ARMC6: variants seen among roughly 807,000 people sequenced by gnomAD.
ARMC6 encodes armadillo repeat containing 6.
Under a neutral mutation model 49.2 loss-of-function variants are expected in ARMC6, and 43 were observed. The ratio of observed to expected loss-of-function variants is 0.87; its 90% confidence interval spans 0.69 to 1.13. The LOEUF (loss-of-function observed/expected upper bound fraction) is 1.13, where lower values mean the gene tolerates loss of function less well. Among genes scored for constraint, ARMC6 ranks in the 50% most tolerant of loss-of-function variants. The pLI, the probability that ARMC6 is intolerant of heterozygous loss-of-function variation, is 0.00. For missense variants in ARMC6, 627 were observed against 682.0 expected (o/e 0.92, Z 0.90); for synonymous variants, 262 against 289.6 (o/e 0.90, Z 0.97).
chr19:19,045,493 C>CTTTGTTTTTTTTTTTTTT, intron 4 of ARMC6, among the ~76,000 whole-genome samples: 1 of 89,118 alleles, frequency 1.1e-5, no homozygotes, highest in Non-Finnish European at 2.0e-5. Context: ...ATGCTAAATT[C>CTTTGTTTTTTTTTTTTTT]TTTTTTTTTT....
chr19:19,037,645 C>A, intron 2 of ARMC6: 1 of 1,211,172 alleles, frequency 8.3e-7, no homozygotes, highest in Admixed American at 3.1e-5. Flanking sequence ...GCCACCATGC[C>A]TGGCCTGAAG....
intron 1 of ARMC6, 88 bp from the exon 2 acceptor site, chr19:19,034,043 A>G (rs151200102): frequency 2.3e-4 from 137 of 595,034 alleles, no homozygotes; most frequent in Non-Finnish European, 3.8e-4. Context: ...AAAAAAAATG[A>G]AAGAATTTTA....
At chr19:19,049,225 G>C (rs1193274674) in intron 4 of ARMC6, among the ~76,000 whole-genome samples, 2 of 151,940 alleles carry the variant, frequency 1.3e-5, no homozygotes, top group Non-Finnish European at 2.9e-5. Context: ...GCTAATTTTT[G>C]TATTTTTTTT....
intron 8 of ARMC6, 102 bp downstream of exon 8, chr19:19,056,030 G>T (rs2059542006): frequency 1.4e-6 from 2 of 1,381,902 alleles, no homozygotes; most frequent in Non-Finnish European, 9.7e-7. Context: ...GGGTGATGGG[G>T]CAAAGGCTCA....
intron 2 of ARMC6, among the ~76,000 whole-genome samples, chr19:19,041,167 A>G (rs2059408985): frequency 6.6e-6 from 1 of 152,016 alleles, no homozygotes; most frequent in South Asian, 2.1e-4. Flanking sequence ...GGTAGAAACC[A>G]TACATGGTGT....
rs185595097 is a variant in ARMC6 at position 19,053,668 on chromosome 19, G to A, written c.854-484G>A. ...GGTGCAGGATCTTCGCCCTCTTGGC[G>A]TGAGTGCCGGCACCTGCTTCCTGGT... On this transcript the variant is annotated intron_variant, in intron 5 of 8. Transcript: ENST00000535612. Among the ~76,000 whole-genome samples, 14 of 152,182 alleles carry A rather than the reference G, an allele frequency of 9.2e-5. 1 individual carries two copies. Among genetic ancestry groups the A allele is most frequent in the East Asian group, 1.9e-4 (1 of 5,168 alleles).
rs2059288935 is a variant in ARMC6, at chr19:19,033,634, C to T, written c.-376C>T. 1.4e-5 allele frequency: 16 copies of T among 1,127,372 alleles called. No individual in the cohort carries two copies. Among genetic ancestry groups the T allele is most frequent in the Non-Finnish European group, 1.8e-5 (16 of 912,502 alleles). The allele number at this position is 1,127,372 out of a possible 1,614,324, so 69.8% of individuals were successfully genotyped here. A position where few individuals can be genotyped will look rare whatever the true frequency, so the allele number is the denominator to read the frequency against. On this transcript the variant is annotated 5_prime_UTR_variant, in exon 1 of 9. Transcript: ENST00000535612. ...CGGCTCTCTTGCGCAAGCGCGCTGT[C>T]CGCTTCTTCTGGGCGGACGCTCTGG...
chr19:19,055,390 C>T lies in ARMC6; in HGVS notation c.1149C>T (p.Ser383=). ...IVAAMTQHLT[S]PQVCEQSCAA... ...CTGCTATGACCCAGCATCTGACCAGCCCCCAGGTACCCACCTCGGGGGGCA... is the reference window on the plus strand; with the variant it reads ...CTGCTATGACCCAGCATCTGACCAGTCCCCAGGTACCCACCTCGGGGGGCA... The change falls in exon 7 of 9, where the codon AGC becomes AGT. Residue 383 remains serine (S), a synonymous_variant. Coordinates refer to ENST00000535612, the MANE Select transcript of ARMC6 (RefSeq NM_001199196.2). This position sits in a 1 kb window ranked among gnomAD's most constrained non-coding sequence, Gnocchi z 5.7. The T allele has an allele frequency of 6.2e-7, 1 of 1,601,238 alleles. No individual in the cohort carries two copies. Among genetic ancestry groups the T allele is most frequent in the South Asian group, 1.1e-5 (1 of 89,620 alleles).
intron 2 of ARMC6, among the ~76,000 whole-genome samples, chr19:19,038,709 C>G (rs989079020): frequency 1.3e-5 from 2 of 152,130 alleles, no homozygotes; most frequent in African/African-American, 4.8e-5. Context: ...TCCCGAGTAG[C>G]TGGGATTACA....
In ARMC6 at chr19:19,055,907, C is replaced by T. The variant is rs1450252677; in HGVS notation, c.1272C>T (p.His424=). 6.2e-7 allele frequency: 1 copy of T among 1,611,370 alleles called. No individual in the cohort carries two copies. Among genetic ancestry groups the T allele is most frequent in the Non-Finnish European group, 8.5e-7 (1 of 1,179,336 alleles). ...CAGCACTGCAGGCCATGAAGGCACA[C>T]CCGCAGAAGGCCGGCGTGCAGGTGG... ...AVAALQAMKA[H]PQKAGVQKQA... The change falls in exon 8 of 9, where the codon CAC becomes CAT. Residue 424 remains histidine (H), a synonymous_variant. Transcript: ENST00000535612. This position sits in a 1 kb window ranked among gnomAD's most constrained non-coding sequence, Gnocchi z 5.7.
Position 19,052,046 on chromosome 19 carries a change from A to G in ARMC6, c.704A>G (p.His235Arg), listed in dbSNP as rs755509211. The stretch of plus-strand genomic sequence containing the variant: ...GGTGCCATCACCCATCATGGCCACC[A>G]CACTGACGTGGTCAGGGAAGCCTGC... Reference protein sequence around the residue: ...LTGAITHHGHHTDVVREACWA... With the variant: ...LTGAITHHGHRTDVVREACWA... Residue 235 changes from histidine (H) to arginine (R), a missense_variant, in exon 5 of 9, where the codon CAC becomes CGC. Physicochemically the swap from His to Arg is conservative, Grantham distance 29. Coordinates refer to ENST00000535612, the MANE Select transcript of ARMC6 (RefSeq NM_001199196.2). 12 of 1,613,848 alleles carry G rather than the reference A, an allele frequency of 7.4e-6. No individual in the cohort carries two copies. The highest frequency in any genetic ancestry group is 1.6e-4 in the Middle Eastern group (1 of 6,080).
rs777754208 is a variant in ARMC6 at position 19,057,581 on chromosome 19, G to A, written c.1459G>A (p.Glu487Lys). 3.4e-5 allele frequency: 55 copies of A among 1,613,366 alleles called. No individual in the cohort carries two copies. The highest frequency in any genetic ancestry group is 2.9e-4 in the South Asian group (26 of 91,072). The change falls in exon 9 of 9, where the codon GAG (glutamate) becomes AAG (lysine). Residue 487 changes from glutamate to lysine, a missense_variant. By Grantham distance (56) the Glu-to-Lys change is moderately conservative (BLOSUM62 1). Transcript: ENST00000535612. ...CCTGCGGGACCTGGGTTGTCATGTC[G>A]AGCTCCGAGAGCTGTGGACAGGCCA... ...AALRDLGCHV[E>K]LRELWTGQRG... is the part of the protein sequence containing the mutation.
At position 19,054,107 on chromosome 19, in the gene ARMC6, G is replaced by C. The variant is rs2059522496; in HGVS notation, c.854-45G>C. 1.4e-5 allele frequency: 20 copies of C among 1,474,760 alleles called. No individual in the cohort carries two copies. The East Asian group carries it at 5.1e-4, about 38-fold the overall frequency. The allele number at this position is 1,474,760 out of a possible 1,614,324, so 91.4% of individuals were successfully genotyped here. A position where few individuals can be genotyped will look rare whatever the true frequency, so the allele number is the denominator to read the frequency against. On this transcript the variant is annotated intron_variant, in intron 5 of 8. Transcript: ENST00000535612. ...CTCCACCAAAACAGAGGGCCCTGCG[G>C]CTGGTTCTTCCCGCCCCCACCACCG...
chr19:19,057,885 C>A lies in ARMC6; in HGVS notation c.*257C>A. 1.6e-6 allele frequency: 1 copy of A among 626,880 alleles called. No homozygotes were observed. Among genetic ancestry groups the A allele is most frequent in the Non-Finnish European group, 2.9e-6 (1 of 343,710 alleles). 38.8% of individuals were successfully genotyped at this position (626,880 alleles called of 1,614,324 possible). On this transcript the variant is annotated 3_prime_UTR_variant, in exon 9 of 9. Coordinates refer to ENST00000535612, the MANE Select transcript of ARMC6 (RefSeq NM_001199196.2). ...GGATGTTACTGTCCTGCTCCTTCCC[C>A]CAGCCCCACGCCCTACCAGAGGGGG...
In ARMC6 at chr19:19,051,810, C is replaced by T. The variant is rs1440758835; in HGVS notation, c.468C>T (p.Leu156=). The change falls in exon 5 of 9, where the codon CTC becomes CTT. Residue 156 remains leucine (L), a synonymous_variant. Transcript: ENST00000535612. The part of the protein sequence containing the change: ...LATAGDQGLL[L]QSLNALSVLT... ...CTGCAGGTGACCAGGGCCTTCTGCTCCAGTCCCTCAATGCCCTGTCGGTGC... is the reference window on the plus strand; with the variant it reads ...CTGCAGGTGACCAGGGCCTTCTGCTTCAGTCCCTCAATGCCCTGTCGGTGC... 1.9e-6 allele frequency: 3 copies of T among 1,613,952 alleles called. No homozygotes were observed. Among genetic ancestry groups the T allele is most frequent in the African/African-American group, 1.3e-5 (1 of 74,940 alleles).
rs2059558516 is a variant in ARMC6 at position 19,057,898 on chromosome 19, C to G, written c.*270C>G. On this transcript the variant is annotated 3_prime_UTR_variant, in exon 9 of 9. Coordinates refer to ENST00000535612, the MANE Select transcript of ARMC6 (RefSeq NM_001199196.2). ...CTGCTCCTTCCCCCAGCCCCACGCC[C>G]TACCAGAGGGGGCAAAGGGCACGTC... 1 of 587,640 alleles carries G rather than the reference C, an allele frequency of 1.7e-6. No individual in the cohort carries two copies. The highest frequency in any genetic ancestry group is 3.1e-6 in the Non-Finnish European group (1 of 322,642). 36.4% of individuals were successfully genotyped at this position (587,640 alleles called of 1,614,324 possible).
At chr19:19,040,747 A>T (rs753952984) in intron 2 of ARMC6, 3 of 448,254 alleles carry the variant, frequency 6.7e-6, no homozygotes, top group South Asian at 1.6e-5. Context: ...CTCTGTGCTC[A>T]AGTGGTTCTC....
chr19:19,037,787 T>G (rs1301150521), intron 2 of ARMC6: 2 of 754,446 alleles, frequency 2.7e-6, no homozygotes, highest in East Asian at 1.2e-4. Flanking sequence ...TTCCTCCTTT[T>G]GTTCCAAAGG....
In ARMC6 at chr19:19,058,171, A is replaced by G. The variant is rs1015337565; in HGVS notation, c.*543A>G. 1.4e-4 allele frequency: 25 copies of G among 173,066 alleles called. No homozygotes were observed. The highest frequency in any genetic ancestry group is 2.2e-4 in the Non-Finnish European group (18 of 81,222). The allele number at this position is 173,066 out of a possible 1,614,324, so 10.7% of individuals were successfully genotyped here. On this transcript the variant is annotated 3_prime_UTR_variant, in exon 9 of 9. Coordinates refer to ENST00000535612, the MANE Select transcript of ARMC6 (RefSeq NM_001199196.2). The stretch of plus-strand genomic sequence containing the variant: ...CTGATAATAAAAGATCATTGGGTGA[A>G]CAGCGGAGGGGTCTCTTCCATAGCT...
Sources: allele counts gnomAD v4.1 joint callset (sites outside exome capture counted in the v4.1 genomes callset), GRCh38; gene constraint gnomAD v4.1.1; non-coding constraint Gnocchi (gnomAD v3.1); transcripts MANE v1.5; gene names NCBI Gene and HGNC (gene_info 2026-07-23, HGNC 2026-07-21).